Variants in SLC7A5 observed in about 807,000 individuals in gnomAD.
SLC7A5 encodes the protein large neutral amino acids transporter small subunit 1.
SLC7A5 carries 23 observed loss-of-function variants against 50.2 expected under a neutral mutation model. The ratio of observed to expected loss-of-function variants is 0.46; its 90% CI spans 0.33 to 0.65. The LOEUF is 0.65. Among genes scored for constraint, SLC7A5 ranks in the 30% least tolerant of loss-of-function variants. SLC7A5 has a pLI of 0.02. For synonymous variants in SLC7A5, 393 were observed against 330.6 expected (o/e 1.19, Z -2.05); for missense variants, 578 against 684.4 (o/e 0.84, Z 1.73).
chr16:87,840,918 C>T (rs546737861), intron 3 of SLC7A5, 132 bp downstream of exon 3: 16 of 665,968 alleles, frequency 2.4e-5, no homozygotes, highest in Non-Finnish European at 4.4e-5. Flanking sequence ...CTTTAACTGC[C>T]AAGGGGCAGT....
At chr16:87,863,986 A>T (rs867959937) in intron 1 of SLC7A5, among the ~76,000 whole-genome samples, 2 of 83,278 alleles carry the variant, frequency 2.4e-5, no homozygotes, top group East Asian at 3.2e-4. Flanking sequence ...ATCATTTAAA[A>T]ATATATATAT....
chr16:87,845,538 C>CCCAGAGTCCATGCCCACTCCAGGAAGAGT, intron 2 of SLC7A5, among the ~76,000 whole-genome samples: 4 of 151,372 alleles, frequency 2.6e-5, no homozygotes, highest in African/African-American at 7.4e-5. Flanking sequence ...CCACGCCCAC[C>CCCAGAGTCCATGCCCACTCCAGGAAGAGT]CCACGGAGTC....
At chr16:87,834,307 ACCCAACACGCTTCG>A (rs1267602670) in intron 9 of SLC7A5, 93 bp downstream of exon 9, 12 of 1,127,876 alleles carry the variant, frequency 1.1e-5, no homozygotes, top group Non-Finnish European at 1.6e-5. Context: ...CCCTCCTGCC[ACCCAACACGCTTCG>A]CCCCATGTGG....
chr16:87,834,737 C>T, intron 8 of SLC7A5, 146 bp from the exon 9 acceptor site: 1 of 817,820 alleles, frequency 1.2e-6, no homozygotes, highest in East Asian at 2.7e-5. Flanking sequence ...CTCCATCTGC[C>T]TCACACACCG....
chr16:87,848,250 T>C (rs1052894242), intron 2 of SLC7A5, among the ~76,000 whole-genome samples: 1 of 152,224 alleles, frequency 6.6e-6, no homozygotes, highest in African/African-American at 2.4e-5. Context: ...TCTGTAACTG[T>C]TCAAGGAGAG....
intron 2 of SLC7A5, among the ~76,000 whole-genome samples, chr16:87,847,531 C>T (rs894954840): frequency 6.6e-6 from 1 of 152,206 alleles, no homozygotes; most frequent in Non-Finnish European, 1.5e-5. Context: ...GTCCTCCAGA[C>T]CTCCACCCTC....
At chr16:87,845,479 CCA>C (rs1399971156) in intron 2 of SLC7A5, among the ~76,000 whole-genome samples, 2 of 88,462 alleles carry the variant, frequency 2.3e-5, no homozygotes, top group African/African-American at 1.4e-4. Context: ...CACGCCCACC[CCA>C]CAGAGTCCAC....
At position 87,842,041 on chromosome 16, in the gene SLC7A5, C is replaced by T. The variant is rs934928979; in HGVS notation, c.665-886G>A. Among the ~76,000 whole-genome samples, 3 of 152,218 alleles carry T rather than the reference C, an allele frequency of 2.0e-5. No homozygotes were observed. In the East Asian group the frequency reaches 5.8e-4, roughly 29 times the overall value. On this transcript the variant is annotated intron_variant, in intron 2 of 9. Transcript: ENST00000261622. Reference sequence around the variant, plus strand: ...GAAATGGGCCTGGTGTGTTCGAGCCCGGAATATATTGCCCAGACATCAGTC... The same window carrying T: ...GAAATGGGCCTGGTGTGTTCGAGCCTGGAATATATTGCCCAGACATCAGTC...
intron 8 of SLC7A5, among the ~76,000 whole-genome samples, chr16:87,835,608 C>A (rs984468623): frequency 6.6e-6 from 1 of 152,162 alleles, no homozygotes; most frequent in African/African-American, 2.4e-5. Flanking sequence ...CGAGTAGCTG[C>A]AACTATAGGC....
Position 87,860,992 on chromosome 16 carries a change from G to GT in SLC7A5, c.538+7892dup, listed in dbSNP as rs1284463380. The stretch of plus-strand genomic sequence containing the variant: ...AGAGGGAGAATTCAGGATTCGGCCA[G>GT]TATCAGGGAAGGAGACGCTGTGGGG... On this transcript the variant is annotated intron_variant, in intron 1 of 9. Transcript: ENST00000261622. This position sits in a 1 kb window ranked among gnomAD's most constrained non-coding sequence, Gnocchi z 4.8. 6.6e-6 allele frequency among the ~76,000 whole-genome samples: 1 copy of GT among 152,262 alleles called. No homozygotes were observed. Among genetic ancestry groups the GT allele is most frequent in the Non-Finnish European group, 1.5e-5 (1 of 68,040 alleles).
chr16:87,839,329 G>C (rs1430182231), intron 5 of SLC7A5, among the ~76,000 whole-genome samples: 3 of 152,362 alleles, frequency 2.0e-5, no homozygotes, highest in Admixed American at 2.0e-4. Flanking sequence ...CAGCAGCCGT[G>C]CCTTCTAACG....
rs867683085 is a variant in SLC7A5 at position 87,836,803 on chromosome 16, G to T, written c.1141-156C>A. On this transcript the variant is annotated intron_variant, in intron 7 of 9. Transcript: ENST00000261622. ...AAACCTCATCTGAGCAACATGCAAG[G>T]TCTTGAAGGAGGAAAGGAGGGAAGG... The T allele has an allele frequency of 4.4e-5, 26 of 593,792 alleles. No individual in the cohort carries two copies. The Middle Eastern group carries it at 3.1e-3, about 72-fold the overall frequency. 36.8% of individuals were successfully genotyped at this position (593,792 alleles called of 1,614,324 possible). A position where few individuals can be genotyped will look rare whatever the true frequency, so the allele number is the denominator to read the frequency against.
chr16:87,857,958 C>G (rs1469845500), intron 1 of SLC7A5, among the ~76,000 whole-genome samples: 3 of 152,208 alleles, frequency 2.0e-5, no homozygotes, highest in Admixed American at 2.0e-4. Context: ...TTGGCAAGCT[C>G]TGAAATTTGC....
chr16:87,833,120 C>G lies in SLC7A5; in HGVS notation c.1469-95G>C, dbSNP rs2054953533. 9.7e-7 allele frequency: 1 copy of G among 1,026,544 alleles called. No individual in the cohort carries two copies. The highest frequency in any genetic ancestry group is 1.6e-5 in the African/African-American group (1 of 63,678). The allele number at this position is 1,026,544 out of a possible 1,614,324, so 63.6% of individuals were successfully genotyped here. A position where few individuals can be genotyped will look rare whatever the true frequency, so the allele number is the denominator to read the frequency against. On this transcript the variant is annotated intron_variant, in intron 9 of 9. Coordinates refer to ENST00000261622, the MANE Select transcript of SLC7A5 (RefSeq NM_003486.7). This position sits in a 1 kb window ranked among gnomAD's most constrained non-coding sequence, Gnocchi z 6.0. ...GCTGGGGCTCCCCCAGCCCTGCTGT[C>G]ACCAAACCCAGCGCCGCTGCCCAGC...
At position 87,833,126 on chromosome 16, in the gene SLC7A5, A is replaced by C; in HGVS notation, c.1469-101T>G. The C allele has an allele frequency of 1.0e-6, 1 of 955,772 alleles. No homozygotes were observed. The allele number at this position is 955,772 out of a possible 1,614,324, so 59.2% of individuals were successfully genotyped here. On this transcript the variant is annotated intron_variant, in intron 9 of 9. Coordinates refer to ENST00000261622, the MANE Select transcript of SLC7A5 (RefSeq NM_003486.7). The surrounding 1 kb of genome is among the most constrained non-coding windows in gnomAD (Gnocchi z 6.0). ...GCTCCCCCAGCCCTGCTGTCACCAA[A>C]CCCAGCGCCGCTGCCCAGCGCTGGG...
rs563932925 is a variant in SLC7A5, at chr16:87,831,795, G to A, written c.*1175C>T. ...AATTCACGGGAACAACAGAAACAAGGGGTGCCCTAGTTCCCTCTCTGCAGG... is the reference window on the plus strand; with the variant it reads ...AATTCACGGGAACAACAGAAACAAGAGGTGCCCTAGTTCCCTCTCTGCAGG... On this transcript the variant is annotated 3_prime_UTR_variant, in exon 10 of 10. Coordinates refer to ENST00000261622, the MANE Select transcript of SLC7A5 (RefSeq NM_003486.7). 1 of 152,492 alleles carries A rather than the reference G, an allele frequency of 6.6e-6. No individual in the cohort carries two copies. Among genetic ancestry groups the A allele is most frequent in the East Asian group, 1.9e-4 (1 of 5,182 alleles). 9.4% of individuals were successfully genotyped at this position (152,492 alleles called of 1,614,324 possible).
In SLC7A5 at chr16:87,860,917, A is replaced by G. The variant is rs2055389592; in HGVS notation, c.538+7968T>C. Among the ~76,000 whole-genome samples, 1 of 151,800 alleles carries G rather than the reference A, an allele frequency of 6.6e-6. No individual in the cohort carries two copies. The highest frequency in any genetic ancestry group is 1.5e-5 in the Non-Finnish European group (1 of 67,954). ...GGATGCAGGGAGAGACGCCTCCCAC[A>G]CTCCCGGAGGCACGCACGTGCTGTG... On this transcript the variant is annotated intron_variant, in intron 1 of 9. Transcript: ENST00000261622. The surrounding 1 kb of genome is among the most constrained non-coding windows in gnomAD (Gnocchi z 4.8).
intron 1 of SLC7A5, among the ~76,000 whole-genome samples, chr16:87,865,587 G>A (rs1597520724): frequency 6.6e-6 from 1 of 152,182 alleles, no homozygotes; most frequent in African/African-American, 2.4e-5. Context: ...GGCACCTGTA[G>A]TCCCAGCTAC....
intron 1 of SLC7A5, among the ~76,000 whole-genome samples, chr16:87,855,714 G>GAGCTGAGATCATGCCACTGCACTCCAGCC (rs1567498835): frequency 6.6e-6 from 1 of 151,922 alleles, no homozygotes; most frequent in Non-Finnish European, 1.5e-5. Flanking sequence ...AGGGTCCAGT[G>GAGCTGAGATCATGCCACTGCACTCCAGCC]TTGGAGGAGA....
Sources: gnomAD v4.1 joint callset for allele counts (sites outside exome capture counted in the v4.1 genomes callset) on GRCh38, gnomAD v4.1.1 for gene constraint, Gnocchi (gnomAD v3.1) non-coding constraint, MANE v1.5 for transcripts, NCBI Gene and HGNC (gene_info 2026-07-23, HGNC 2026-07-21) for gene names.